The following DENND1A variants were observed in gnomAD, a reference collection of about 807,000 sequenced individuals.
DENND1A encodes the protein DENN domain containing 1A.
A neutral mutation model predicts 113.7 loss-of-function variants in DENND1A; 51 were observed. That is an observed-to-expected ratio of 0.45 (90% CI 0.36 to 0.57). The LOEUF is 0.57. DENND1A is among the 20% of genes least tolerant of loss of function. DENND1A has a pLI of 0.00. For missense variants in DENND1A, 1,258 were observed against 1,395.9 expected, an observed-to-expected ratio of 0.90 and a Z score of 1.57; for synonymous variants, 565 against 570.8, an observed-to-expected ratio of 0.99 and a Z score of 0.14.
intron 13 of DENND1A, among the ~76,000 whole-genome samples, chr9:123,510,664 T>C (rs1185187349): frequency 6.6e-6 from 1 of 152,192 alleles, no homozygotes; most frequent in African/African-American, 2.4e-5. Context: ...TGTCACTCTC[T>C]GCAACTAGAA....
intron 6 of DENND1A, 82 bp from the exon 7 acceptor site, chr9:123,671,453 G>C (rs1482477465): frequency 7.5e-6 from 10 of 1,331,234 alleles, no homozygotes; most frequent in Non-Finnish European, 1.1e-5. Flanking sequence ...GGGCACACAT[G>C]ACTGAGGGGG....
chr9:123,903,863 G>T (rs1588165504), intron 1 of DENND1A, among the ~76,000 whole-genome samples: 1 of 152,074 alleles, frequency 6.6e-6, no homozygotes, highest in Admixed American at 6.5e-5. Flanking sequence ...ACTGGGTGGA[G>T]CCCACCATAG....
chr9:123,930,000 G>T lies in DENND1A; in HGVS notation c.-95C>A. The T allele has an allele frequency of 4.2e-6, 1 of 240,068 alleles. No homozygotes were observed. The allele number at this position is 240,068 out of a possible 1,614,324, so 14.9% of individuals were successfully genotyped here. A position where few individuals can be genotyped will look rare whatever the true frequency, so the allele number is the denominator to read the frequency against. The stretch of plus-strand genomic sequence containing the variant: ...CCGGCCTCCCTCTGGCGCTCTCCCC[G>T]CCCCTTCCTCCCTTCCCTCAGGCTG... On this transcript the variant is annotated 5_prime_UTR_variant, in exon 1 of 24. Coordinates refer to ENST00000394215, the MANE Select transcript of DENND1A (RefSeq NM_001352964.2).
intron 18 of DENND1A, among the ~76,000 whole-genome samples, chr9:123,449,332 C>G (rs769887602): frequency 2.0e-5 from 3 of 152,112 alleles, no homozygotes; most frequent in South Asian, 4.1e-4. Context: ...GTCAGGAGAT[C>G]GAGACCATCC....
intron 22 of DENND1A, among the ~76,000 whole-genome samples, chr9:123,384,809 G>T (rs988294441): frequency 6.6e-6 from 1 of 152,114 alleles, no homozygotes; most frequent in Non-Finnish European, 1.5e-5. Context: ...TTTGCGGGGT[G>T]TGGTGGTGCG....
intron 20 of DENND1A, among the ~76,000 whole-genome samples, chr9:123,408,150 T>C (rs1055515033): frequency 1.3e-5 from 2 of 152,096 alleles, no homozygotes; most frequent in Non-Finnish European, 2.9e-5. Flanking sequence ...GTCTGGAAAG[T>C]TTGTGGCTAC....
intron 9 of DENND1A, among the ~76,000 whole-genome samples, chr9:123,635,176 T>C (rs2061644046): frequency 6.6e-6 from 1 of 152,212 alleles, no homozygotes; most frequent in Non-Finnish European, 1.5e-5. Context: ...ATAGCAGCTC[T>C]GCAACTTGAC....
chr9:123,927,521 T>C (rs746124296), intron 1 of DENND1A, among the ~76,000 whole-genome samples: 5 of 152,226 alleles, frequency 3.3e-5, no homozygotes, highest in Non-Finnish European at 7.3e-5. Flanking sequence ...ACATTTACAT[T>C]GATACTGTGT....
intron 1 of DENND1A, among the ~76,000 whole-genome samples, chr9:123,888,096 T>C (rs1190112099): frequency 6.6e-6 from 1 of 152,094 alleles, no homozygotes; most frequent in Non-Finnish European, 1.5e-5. Flanking sequence ...ACAATTCTCC[T>C]CTAAAAGGAA....
intron 2 of DENND1A, among the ~76,000 whole-genome samples, chr9:123,829,918 T>C (rs1296159187): frequency 1.3e-5 from 2 of 152,192 alleles, no homozygotes; most frequent in Admixed American, 6.5e-5. Context: ...AGGAAATTTA[T>C]CCCTCATTTA....
chr9:123,402,752 T>C (rs1299155988), intron 21 of DENND1A: 1 of 399,094 alleles, frequency 2.5e-6, no homozygotes, highest in Non-Finnish European at 5.1e-6. Flanking sequence ...TGCAGCCTTC[T>C]GCCTCACCCC....
Position 123,619,716 on chromosome 9 carries a change from G to A in DENND1A, c.720-10235C>T, listed in dbSNP as rs149097514. 5.3e-5 allele frequency among the ~76,000 whole-genome samples: 8 copies of A among 152,240 alleles called. No homozygotes were observed. The East Asian group carries it at 1.4e-3, about 26-fold the overall frequency. ...ACAGGTGTGAGCCACTGCAGTTCGGGCCAGAACTGTATACTTTTAAAAGGG... is the reference window on the plus strand; with the variant it reads ...ACAGGTGTGAGCCACTGCAGTTCGGACCAGAACTGTATACTTTTAAAAGGG... On this transcript the variant is annotated intron_variant, in intron 10 of 23. Transcript: ENST00000394215.
chr9:123,792,437 C>G, intron 3 of DENND1A, 150 bp downstream of exon 3: 1 of 749,156 alleles, frequency 1.3e-6, no homozygotes, highest in Non-Finnish European at 2.1e-6. Context: ...TACTTCAATA[C>G]GTTTTACTTT....
intron 3 of DENND1A, among the ~76,000 whole-genome samples, chr9:123,780,265 C>A (rs1286140346): frequency 6.6e-6 from 1 of 152,188 alleles, no homozygotes; most frequent in Non-Finnish European, 1.5e-5. Flanking sequence ...ACCCCAGAAT[C>A]CTGTCCTGTG....
intron 11 of DENND1A, among the ~76,000 whole-genome samples, chr9:123,592,633 A>G (rs941302827): frequency 6.6e-6 from 1 of 152,210 alleles, no homozygotes; most frequent in Admixed American, 6.5e-5. Flanking sequence ...AAACTCAGCT[A>G]GCTGTACATT....
At chr9:123,432,464 C>T (rs1201435345) in intron 19 of DENND1A, among the ~76,000 whole-genome samples, 1 of 152,108 alleles carries the variant, frequency 6.6e-6, no homozygotes, top group African/African-American at 2.4e-5. Context: ...CCCATGGGGA[C>T]CGAAGGGAGG....
intron 13 of DENND1A, among the ~76,000 whole-genome samples, chr9:123,501,604 G>A (rs544461383): frequency 1.1e-4 from 16 of 152,282 alleles, no homozygotes; most frequent in South Asian, 1.0e-3. Flanking sequence ...GTTCTGTGAC[G>A]GTTAATACTG....
chr9:123,576,661 G>A (rs1030167532), intron 12 of DENND1A, among the ~76,000 whole-genome samples: 1 of 152,038 alleles, frequency 6.6e-6, no homozygotes, highest in African/African-American at 2.4e-5. Flanking sequence ...ATCATGACTG[G>A]CTAATTTTTG....
chr9:123,389,313 C>G (rs1288020065), intron 21 of DENND1A, among the ~76,000 whole-genome samples: 1 of 152,266 alleles, frequency 6.6e-6, no homozygotes, highest in Admixed American at 6.5e-5. Context: ...GGAGGGGAAG[C>G]CAGTAGCCCA....
Sources: allele counts gnomAD v4.1 joint callset (sites outside exome capture counted in the v4.1 genomes callset), GRCh38; gene constraint gnomAD v4.1.1; transcripts MANE v1.5; gene names NCBI Gene and HGNC (gene_info 2026-07-23, HGNC 2026-07-21).